GNAI1: variants seen among roughly 807,000 people sequenced by gnomAD.
GNAI1 encodes G protein subunit alpha i1.
Under a neutral mutation model 38.9 loss-of-function variants are expected in GNAI1, and 11 were observed. The ratio of observed to expected loss-of-function variants is 0.28; its 90% CI spans 0.18 to 0.47. The LOEUF (loss-of-function observed/expected upper bound fraction) is 0.47. Among genes scored for constraint, GNAI1 ranks in the 20% least tolerant of loss-of-function variants. GNAI1 has a pLI of 0.99. For missense variants in GNAI1, 317 were observed against 436.9 expected (o/e 0.73, Z 2.45); for synonymous variants, 166 against 145.1 (o/e 1.14, Z -1.04).
intron 1 of GNAI1, among the ~76,000 whole-genome samples, chr7:80,155,550 G>A (rs1041370131): frequency 1.3e-5 from 2 of 152,114 alleles, no homozygotes; most frequent in Non-Finnish European, 2.9e-5. Flanking sequence ...TTCCTTAAAT[G>A]TATTTTATGT....
intron 3 of GNAI1, among the ~76,000 whole-genome samples, chr7:80,191,098 A>G (rs1788471977): frequency 6.6e-6 from 1 of 151,682 alleles, no homozygotes. Flanking sequence ...CTGCCTTTAG[A>G]CTATTACTTC....
chr7:80,183,816 A>G (rs942808867), intron 1 of GNAI1, among the ~76,000 whole-genome samples: 85 of 152,304 alleles, frequency 5.6e-4, no homozygotes, highest in African/African-American at 2.0e-3. Context: ...ATTAGAATCT[A>G]GCAAAGGGTT....
intron 1 of GNAI1, among the ~76,000 whole-genome samples, chr7:80,158,927 A>G (rs965007194): frequency 6.6e-6 from 1 of 152,070 alleles, no homozygotes; most frequent in African/African-American, 2.4e-5. Flanking sequence ...TTTTCTCACT[A>G]TGGCTCACAG....
chr7:80,159,409 T>C (rs11975980), intron 1 of GNAI1, among the ~76,000 whole-genome samples: 6,196 of 152,236 alleles, frequency 0.041, 431 homozygotes, highest in African/African-American at 0.14. Flanking sequence ...TGAGCACATC[T>C]AAAGTTCAGT....
rs940739238 is a variant in GNAI1 at position 80,220,067 on chromosome 7, C to T, written c.*2574C>T. Among the ~76,000 whole-genome samples the T allele has an allele frequency of 2.6e-5, 4 of 152,154 alleles. No individual in the cohort carries two copies. The highest frequency in any genetic ancestry group is 4.8e-5 in the African/African-American group (2 of 41,432). On this transcript the variant is annotated 3_prime_UTR_variant, in exon 8 of 8. Transcript: ENST00000649796. ...TAGTTATCCTAATGTAGAACTGTGG[C>T]CCTATCACCTTCTATTCCTTGATCT...
intron 1 of GNAI1, among the ~76,000 whole-genome samples, chr7:80,176,001 A>T (rs1185323762): frequency 6.6e-6 from 1 of 152,242 alleles, no homozygotes; most frequent in Non-Finnish European, 1.5e-5. Context: ...GTCATGTCCA[A>T]AGATAGGCTA....
chr7:80,221,072 T>C lies in GNAI1; in HGVS notation c.*3579T>C, dbSNP rs1789064510. On this transcript the variant is annotated 3_prime_UTR_variant, in exon 8 of 8. Transcript: ENST00000649796. ...AATTTAGTTGATACTGTAATCATTA[T>C]TACAGATGGTAGCATCATCATTGCT... Among the ~76,000 whole-genome samples, 1 of 152,220 alleles carries C rather than the reference T, an allele frequency of 6.6e-6. No individual in the cohort carries two copies. The highest frequency in any genetic ancestry group is 2.1e-4 in the South Asian group (1 of 4,832).
rs1789017303 is a variant in GNAI1 at position 80,218,645 on chromosome 7, T to C, written c.*1152T>C. ...CTAATTTCAAATGTAATTATCACAC[T>C]ATGTTAAAATTACTTTTTTCCCTTA... On this transcript the variant is annotated 3_prime_UTR_variant, in exon 8 of 8. Transcript: ENST00000649796. The C allele has an allele frequency of 6.6e-6, 1 of 152,186 alleles. No individual in the cohort carries two copies. Among genetic ancestry groups the C allele is most frequent in the African/African-American group, 2.4e-5 (1 of 41,464 alleles). The allele number at this position is 152,186 out of a possible 1,614,324, so 9.4% of individuals were successfully genotyped here.
chr7:80,177,441 C>T (rs933876882), intron 1 of GNAI1, among the ~76,000 whole-genome samples: 6 of 152,102 alleles, frequency 3.9e-5, no homozygotes, highest in African/African-American at 7.2e-5. Context: ...CACAATGCAC[C>T]GCATTATCCA....
intron 1 of GNAI1, among the ~76,000 whole-genome samples, chr7:80,140,050 C>G (rs1359395520): frequency 6.8e-6 from 1 of 147,914 alleles, no homozygotes; most frequent in African/African-American, 2.5e-5. Flanking sequence ...GTGGCGCAGT[C>G]TCCGCTCACT....
At chr7:80,195,074 C>T (rs1562839129) in intron 3 of GNAI1, among the ~76,000 whole-genome samples, 1 of 151,966 alleles carries the variant, frequency 6.6e-6, no homozygotes, top group Non-Finnish European at 1.5e-5. Flanking sequence ...TTTCTATCCT[C>T]ATTTCACTTA....
intron 1 of GNAI1, among the ~76,000 whole-genome samples, chr7:80,141,422 C>T (rs890502393): frequency 6.6e-6 from 1 of 152,146 alleles, no homozygotes; most frequent in Admixed American, 6.5e-5. Context: ...AAGTTATCTG[C>T]TCCCAGAATA....
chr7:80,211,126 C>A, intron 6 of GNAI1, 28 bp downstream of exon 6: 1 of 1,602,890 alleles, frequency 6.2e-7, no homozygotes, highest in Non-Finnish European at 8.5e-7. Flanking sequence ...AAGAGTTGAG[C>A]TTGAAACATG....
rs545867117 is a variant in GNAI1, at chr7:80,211,506, C to T, written c.720+408C>T. 5.0e-4 allele frequency among the ~76,000 whole-genome samples: 76 copies of T among 152,024 alleles called. 1 individual carries two copies. The South Asian group carries it at 9.8e-3, about 20-fold the overall frequency. ...CATCTCTGCTCACTGCAACCTCCAC[C>T]TCCCAGGTTCAAGCCAGTTCTCCTG... On this transcript the variant is annotated intron_variant, in intron 6 of 7. Transcript: ENST00000649796.
At chr7:80,201,577 T>C (rs1023657080) in intron 4 of GNAI1, among the ~76,000 whole-genome samples, 1 of 151,944 alleles carries the variant, frequency 6.6e-6, no homozygotes, top group Non-Finnish European at 1.5e-5. Flanking sequence ...ATAAAAAATT[T>C]AGCCAGCATG....
intron 4 of GNAI1, among the ~76,000 whole-genome samples, chr7:80,200,859 T>C (rs550735361): frequency 6.6e-6 from 1 of 152,208 alleles, no homozygotes; most frequent in Admixed American, 6.5e-5. Context: ...CCAACTGGTA[T>C]CATATCCTAT....
chr7:80,203,643 T>C, intron 4 of GNAI1, 61 bp from the exon 5 acceptor site: 5 of 1,063,106 alleles, frequency 4.7e-6, no homozygotes, highest in Non-Finnish European at 7.0e-6. Flanking sequence ...AATTTTTGTT[T>C]TGGATGATCT....
At chr7:80,153,704 C>A (rs1288298499) in intron 1 of GNAI1, among the ~76,000 whole-genome samples, 1 of 152,050 alleles carries the variant, frequency 6.6e-6, no homozygotes, top group Non-Finnish European at 1.5e-5. Context: ...ATCCATTGTG[C>A]CATAGTCAAG....
intron 1 of GNAI1, among the ~76,000 whole-genome samples, chr7:80,160,189 G>C (rs1282300415): frequency 7.2e-6 from 1 of 139,068 alleles, no homozygotes; most frequent in Non-Finnish European, 1.5e-5. Flanking sequence ...CTCTAAGTTA[G>C]GTTATTTTAG....
Sources: gnomAD v4.1 joint callset for allele counts (sites outside exome capture counted in the v4.1 genomes callset) on GRCh38, gnomAD v4.1.1 for gene constraint, MANE v1.5 for transcripts, NCBI Gene and HGNC (gene_info 2026-07-23, HGNC 2026-07-21) for gene names.